PCDHA12: variants seen among roughly 807,000 people sequenced by gnomAD.
PCDHA12 encodes protocadherin alpha-12.
PCDHA12 carries 44 observed loss-of-function variants against 60.0 expected under a neutral mutation model. The observed-to-expected ratio is 0.73, with a 90% CI of 0.58 to 0.94. PCDHA12 has a LOEUF of 0.94. Ranked by LOEUF, PCDHA12 falls within the 40% of genes least tolerant of loss-of-function variation. The pLI is 0.00. For synonymous variants in PCDHA12, 569 were observed against 553.0 expected (o/e 1.03, Z -0.40); for missense variants, 1,276 against 1,239.7 (o/e 1.03, Z -0.44).
At chr5:140,950,006 G>A (rs2094439907) in intron 1 of PCDHA12, among the ~76,000 whole-genome samples, 1 of 151,676 alleles carries the variant, frequency 6.6e-6, no homozygotes, top group African/African-American at 2.4e-5. Context: ...ACTTAATAGT[G>A]TACAACCTTC....
intron 3 of PCDHA12, among the ~76,000 whole-genome samples, chr5:141,006,649 G>A (rs1377970510): frequency 2.6e-5 from 4 of 152,176 alleles, no homozygotes; most frequent in Admixed American, 2.0e-4. Context: ...AGAGATGATG[G>A]TGTCCTGAAA....
At chr5:140,925,955 G>T (rs1350124934) in intron 1 of PCDHA12, among the ~76,000 whole-genome samples, 1 of 152,076 alleles carries the variant, frequency 6.6e-6, no homozygotes. Context: ...AGGAGAAACT[G>T]CTATCACGCA....
chr5:140,917,333 G>GT (rs1401985588), intron 1 of PCDHA12, among the ~76,000 whole-genome samples: 2 of 148,632 alleles, frequency 1.3e-5, no homozygotes, highest in Admixed American at 6.7e-5. Context: ...GCGGGGGAGG[G>GT]GGGGGATGGT....
chr5:140,969,166 C>T lies in PCDHA12; in HGVS notation c.2368-9783C>T, dbSNP rs1554231524. ...GCTACAAGGCCTGTCTGACAGCAGG[C>T]TCAGGGAGTGACACTTTCATGTTTT... On this transcript the variant is annotated intron_variant, in intron 1 of 3. Transcript: ENST00000398631. 2.5e-6 allele frequency: 4 copies of T among 1,614,092 alleles called. No homozygotes were observed. In the South Asian group the frequency reaches 4.4e-5, roughly 18 times the overall value.
chr5:140,924,978 T>A (rs2082232142), intron 1 of PCDHA12, among the ~76,000 whole-genome samples: 1 of 151,330 alleles, frequency 6.6e-6, no homozygotes, highest in Non-Finnish European at 1.5e-5. Flanking sequence ...CAGTGGCTCA[T>A]GTCTGTAATC....
At chr5:140,941,406 T>C (rs1381146519) in intron 1 of PCDHA12, among the ~76,000 whole-genome samples, 1 of 146,240 alleles carries the variant, frequency 6.8e-6, no homozygotes, top group Non-Finnish European at 1.5e-5. Context: ...AACCTCCGCC[T>C]CCCGGGTTCA....
intron 3 of PCDHA12, among the ~76,000 whole-genome samples, chr5:140,998,369 C>T (rs530777656): frequency 1.3e-5 from 2 of 152,210 alleles, no homozygotes; most frequent in South Asian, 2.1e-4. Context: ...CTGCACACAC[C>T]GTCTCTAGAA....
At chr5:140,910,935 C>T (rs192394348) in intron 1 of PCDHA12, among the ~76,000 whole-genome samples, 4 of 152,192 alleles carry the variant, frequency 2.6e-5, no homozygotes, top group African/African-American at 9.6e-5. Context: ...TAAGAAAGCT[C>T]AAGCAGTTCT....
chr5:140,926,953 C>T, intron 1 of PCDHA12: 1 of 1,596,706 alleles, frequency 6.3e-7, no homozygotes, highest in Non-Finnish European at 8.6e-7. Flanking sequence ...TGCAGCGGGA[C>T]AGCTCGAGTA....
At chr5:140,952,746 T>C (rs1554220596) in intron 1 of PCDHA12, among the ~76,000 whole-genome samples, 1 of 152,190 alleles carries the variant, frequency 6.6e-6, no homozygotes, top group Non-Finnish European at 1.5e-5. Context: ...CACACTGCTA[T>C]AAAAACACCT....
intron 1 of PCDHA12, among the ~76,000 whole-genome samples, chr5:140,940,415 A>G (rs1187271340): frequency 2.0e-5 from 3 of 152,118 alleles, no homozygotes; most frequent in African/African-American, 7.2e-5. Flanking sequence ...TAAAAATTAT[A>G]ATTATTACTG....
At chr5:140,882,024 G>C in intron 1 of PCDHA12, 1 of 580,388 alleles carries the variant, frequency 1.7e-6, no homozygotes, top group East Asian at 3.1e-5. Flanking sequence ...CTACATCAAT[G>C]GAAAATATGA....
In PCDHA12 at chr5:140,978,956, A is replaced by G; in HGVS notation, c.2375A>G (p.Gln792Arg). 3 of 1,614,194 alleles carry G rather than the reference A, an allele frequency of 1.9e-6. No individual in the cohort carries two copies. The highest frequency in any genetic ancestry group is 2.5e-6 in the Non-Finnish European group (3 of 1,180,026). ...CTCTTTGTGATTTTGCAGCCACGAC[A>G]GCCCAACCCTGACTGGCGTTACTCT... ...DCLNPPSEPR[Q>R]PNPDWRYSAS... Residue 792 changes from glutamine (Q) to arginine (R), a missense_variant, in exon 2 of 4, where the codon CAG becomes CGG. Transcript: ENST00000398631.
At chr5:140,888,686 T>C (rs1326536229) in intron 1 of PCDHA12, among the ~76,000 whole-genome samples, 1 of 152,214 alleles carries the variant, frequency 6.6e-6, no homozygotes, top group Non-Finnish European at 1.5e-5. Context: ...AAGAGGTCTC[T>C]CTTCTCTGAT....
At chr5:141,006,353 A>G (rs2098269096) in intron 3 of PCDHA12, among the ~76,000 whole-genome samples, 1 of 151,784 alleles carries the variant, frequency 6.6e-6, no homozygotes, top group Admixed American at 6.6e-5. Flanking sequence ...CTGGGACTAT[A>G]GGCGCCCACC....
At chr5:140,968,909 G>A (rs782304408) in intron 1 of PCDHA12, 7 of 1,614,172 alleles carry the variant, frequency 4.3e-6, no homozygotes, top group Non-Finnish European at 5.1e-6. Context: ...ATTAAGCACA[G>A]TGTCTTTTAT....
intron 1 of PCDHA12, among the ~76,000 whole-genome samples, chr5:140,932,460 A>G (rs1275552236): frequency 6.6e-6 from 1 of 151,902 alleles, no homozygotes; most frequent in Non-Finnish European, 1.5e-5. Flanking sequence ...TTGCCAGGGT[A>G]TATAGGAAAT....
rs782163702 is a variant in PCDHA12, at chr5:140,979,042, C to G, written c.2426+35C>G. 3.1e-6 allele frequency: 5 copies of G among 1,612,562 alleles called. No individual in the cohort carries two copies. The South Asian group carries it at 4.4e-5, about 14-fold the overall frequency. Reference sequence around the variant, plus strand: ...TCCCTCCTCATTCACTCAGAAGTAACCTTAACTTGGTATGGCTCAGATAAA... The same window carrying G: ...TCCCTCCTCATTCACTCAGAAGTAAGCTTAACTTGGTATGGCTCAGATAAA... On this transcript the variant is annotated intron_variant, in intron 2 of 3. Coordinates refer to ENST00000398631, the MANE Select transcript of PCDHA12 (RefSeq NM_018903.4).
intron 1 of PCDHA12, among the ~76,000 whole-genome samples, chr5:140,943,453 G>A (rs545980639): frequency 2.6e-5 from 4 of 152,040 alleles, no homozygotes; most frequent in Non-Finnish European, 5.9e-5. Context: ...GAATTGATAA[G>A]GCTAAATGTG....
Sources: allele counts gnomAD v4.1 joint callset (sites outside exome capture counted in the v4.1 genomes callset), GRCh38; gene constraint gnomAD v4.1.1; transcripts MANE v1.5; gene names NCBI Gene and HGNC (gene_info 2026-07-23, HGNC 2026-07-21).